Variants in USP37 observed in about 807,000 individuals in gnomAD.
USP37 encodes ubiquitin carboxyl-terminal hydrolase 37.
A neutral mutation model predicts 124.0 loss-of-function variants in USP37; 27 were observed. That is an observed-to-expected ratio of 0.22 (90% CI 0.16 to 0.30). USP37 has a LOEUF of 0.30. USP37 is among the 10% of genes least tolerant of loss of function. USP37 has a pLI of 1.00. For missense variants in USP37, 889 were observed against 1,140.4 expected (o/e 0.78, Z 3.17); for synonymous variants, 365 against 388.0 (o/e 0.94, Z 0.70).
At chr2:218,538,597 T>C (rs1308901390) in intron 8 of USP37, among the ~76,000 whole-genome samples, 1 of 152,166 alleles carries the variant, frequency 6.6e-6, no homozygotes, top group Non-Finnish European at 1.5e-5. Flanking sequence ...TGGTGGCAGA[T>C]AGAAGCTATA....
chr2:218,537,603 T>C (rs748123417), intron 8 of USP37, among the ~76,000 whole-genome samples: 7 of 152,208 alleles, frequency 4.6e-5, no homozygotes, highest in African/African-American at 1.7e-4. Context: ...TTCAAGTCAC[T>C]AAATTTTGGA....
In USP37 at chr2:218,547,200, G is replaced by A. The variant is rs536338351; in HGVS notation, c.430-109C>T. ...AAAAAATACAAATGGAGCCAGGTGC[G>A]ATGGCTCATGCCTGTAATCCCAGAA... On this transcript the variant is annotated intron_variant, in intron 6 of 25. Transcript: ENST00000258399. 18 of 1,157,930 alleles carry A rather than the reference G, an allele frequency of 1.6e-5. No individual in the cohort carries two copies. In the African/African-American group the frequency reaches 1.9e-4, roughly 12 times the overall value. 71.7% of individuals were successfully genotyped at this position (1,157,930 alleles called of 1,614,324 possible).
intron 20 of USP37, among the ~76,000 whole-genome samples, chr2:218,472,029 G>A (rs1194964600): frequency 4.9e-5 from 5 of 102,322 alleles, no homozygotes; most frequent in African/African-American, 1.6e-4. Flanking sequence ...GACTTGGTCC[G>A]CCCCAGGAAA....
rs1343090443 is a variant in USP37, at chr2:218,568,214, G to C, written c.-266C>G. On this transcript the variant is annotated 5_prime_UTR_variant, in exon 1 of 26. Transcript: ENST00000258399. Reference sequence around the variant, plus strand: ...GTCCGGAGCCCCCGGACAGACCCGCGGAAAGCACGGAGCCCGCGAGGAGTG... The same window carrying C: ...GTCCGGAGCCCCCGGACAGACCCGCCGAAAGCACGGAGCCCGCGAGGAGTG... 1 of 152,372 alleles carries C rather than the reference G, an allele frequency of 6.6e-6. No individual in the cohort carries two copies. The highest frequency in any genetic ancestry group is 2.4e-5 in the African/African-American group (1 of 41,418). 9.4% of individuals were successfully genotyped at this position (152,372 alleles called of 1,614,324 possible).
At chr2:218,540,996 A>C (rs540593210) in intron 8 of USP37, among the ~76,000 whole-genome samples, 11 of 152,314 alleles carry the variant, frequency 7.2e-5, no homozygotes, top group African/African-American at 2.4e-4. Flanking sequence ...ATACCCTTTA[A>C]AAGTGCAGAA....
At chr2:218,485,409 C>G (rs1262556687) in intron 16 of USP37, among the ~76,000 whole-genome samples, 1 of 152,018 alleles carries the variant, frequency 6.6e-6, no homozygotes, top group African/African-American at 2.4e-5. Context: ...CTACCTCAGC[C>G]TCCCAAAGTG....
At chr2:218,557,040 A>AT (rs1283300970) in intron 4 of USP37, among the ~76,000 whole-genome samples, 3 of 147,452 alleles carry the variant, frequency 2.0e-5, no homozygotes, top group East Asian at 2.1e-4. Flanking sequence ...TTGTTTCTGA[A>AT]TTTTTTTTTG....
intron 18 of USP37, among the ~76,000 whole-genome samples, chr2:218,479,242 T>C (rs974214623): frequency 1.3e-5 from 2 of 152,224 alleles, no homozygotes; most frequent in Non-Finnish European, 2.9e-5. Context: ...AGTTCCAGAC[T>C]GGCTAACAAC....
At chr2:218,508,498 A>T (rs1005850388) in intron 11 of USP37, among the ~76,000 whole-genome samples, 2 of 152,160 alleles carry the variant, frequency 1.3e-5, no homozygotes, top group African/African-American at 2.4e-5. Context: ...AATAACAGAA[A>T]CCACAAGTAA....
intron 8 of USP37, 25 bp downstream of exon 8, chr2:218,546,196 T>C: frequency 6.3e-7 from 1 of 1,583,644 alleles, no homozygotes; most frequent in Non-Finnish European, 8.6e-7. Context: ...GCTCTAACAC[T>C]ATAAAGGCCC....
At chr2:218,511,133 C>T (rs1291503367) in intron 10 of USP37, among the ~76,000 whole-genome samples, 1 of 151,952 alleles carries the variant, frequency 6.6e-6, no homozygotes, top group Non-Finnish European at 1.5e-5. Flanking sequence ...AATTGCTTTC[C>T]TATAGAGTAG....
chr2:218,512,660 C>T (rs1157679031), intron 10 of USP37, among the ~76,000 whole-genome samples: 5 of 152,150 alleles, frequency 3.3e-5, no homozygotes, highest in Non-Finnish European at 5.9e-5. Flanking sequence ...ACCCCAAGTT[C>T]CCCTTCCAAT....
At chr2:218,544,386 C>CAAAAAAAAAAAA (rs1163366372) in intron 8 of USP37, among the ~76,000 whole-genome samples, 4 of 25,774 alleles carry the variant, frequency 1.6e-4, no homozygotes, top group African/African-American at 7.5e-4. Flanking sequence ...CTCCGTTTCA[C>CAAAAAAAAAAAA]AAAAAAAAAA....
chr2:218,490,249 G>A (rs1281452759), intron 14 of USP37, among the ~76,000 whole-genome samples: 2 of 152,162 alleles, frequency 1.3e-5, no homozygotes, highest in Non-Finnish European at 2.9e-5. Context: ...GCTGAGGCAG[G>A]AGAATGGTGT....
intron 10 of USP37, chr2:218,528,582 G>A: frequency 2.5e-6 from 1 of 392,232 alleles, no homozygotes; most frequent in Non-Finnish European, 4.5e-6. Context: ...CTTCATCCAT[G>A]TCTCTGCAAA....
chr2:218,515,299 C>A (rs905646055), intron 10 of USP37, among the ~76,000 whole-genome samples: 1 of 152,038 alleles, frequency 6.6e-6, no homozygotes, highest in Non-Finnish European at 1.5e-5. Context: ...TCAAACTATA[C>A]TACAAGGCTA....
At chr2:218,488,524 C>T (rs988165123) in intron 14 of USP37, 103 bp from the exon 15 acceptor site, 2 of 684,590 alleles carry the variant, frequency 2.9e-6, no homozygotes, top group African/African-American at 3.6e-5. Flanking sequence ...GGTACTGACA[C>T]ACTATCACCA....
intron 10 of USP37, among the ~76,000 whole-genome samples, chr2:218,527,755 A>G: frequency 6.6e-6 from 1 of 152,196 alleles, no homozygotes; most frequent in East Asian, 1.9e-4. Flanking sequence ...TCTCTCCTAA[A>G]TTCAAATAAC....
intron 11 of USP37, among the ~76,000 whole-genome samples, chr2:218,509,394 T>TA (rs905432729): frequency 1.3e-5 from 2 of 151,626 alleles, no homozygotes; most frequent in Admixed American, 1.3e-4. Flanking sequence ...ATTTAAAATT[T>TA]AAAAAAAATC....
Sources: allele counts gnomAD v4.1 joint callset (sites outside exome capture counted in the v4.1 genomes callset), GRCh38; gene constraint gnomAD v4.1.1; transcripts MANE v1.5; gene names NCBI Gene and HGNC (gene_info 2026-07-23, HGNC 2026-07-21).